Variants in TTN observed in about 807,000 individuals in gnomAD.
TTN encodes connectin.
A neutral mutation model predicts 3,223.0 loss-of-function variants in TTN; 1,525 were observed. The observed-to-expected ratio is 0.47, with a 90% CI of 0.45 to 0.49. The LOEUF (loss-of-function observed/expected upper bound fraction) is 0.49. Ranked by LOEUF, TTN falls within the 20% of genes least tolerant of loss-of-function variation. The pLI, the probability that TTN is intolerant of heterozygous loss-of-function variation, is 0.00. For missense variants in TTN, 40,786 were observed against 43,424.0 expected (o/e 0.94, Z 5.40); for synonymous variants, 14,094 against 15,161.0 (o/e 0.93, Z 5.17).
Position 178,552,572 on chromosome 2 carries a change from C to A in TTN, c.90328G>T (p.Gly30110Ter), listed in dbSNP as rs1466906853. ...CCAATAGTGACAGGATCACTCAGTCCTTTCTCATTTTTGGCAAACACTCTG... is the reference window on the plus strand; with the variant it reads ...CCAATAGTGACAGGATCACTCAGTCATTTCTCATTTTTGGCAAACACTCTG... Reference protein sequence around the residue: ...EFRVFAKNEKGLSDPVTIGPI... With the variant: ...EFRVFAKNEK The change falls in exon 335 of 363, where the codon GGA becomes TGA. Residue 30110 changes from glycine to a stop codon, truncating the protein, a stop_gained. Coordinates refer to ENST00000589042, the MANE Select transcript of TTN (RefSeq NM_001267550.2). LOFTEE classifies it high-confidence loss of function. 1 of 1,613,796 alleles carries A rather than the reference C, an allele frequency of 6.2e-7. No homozygotes were observed. Among genetic ancestry groups the A allele is most frequent in the South Asian group, 1.1e-5 (1 of 91,080 alleles).
rs1210557316 is a variant in TTN, at chr2:178,528,856, C to A, written c.106895G>T (p.Gly35632Val). 6.2e-7 allele frequency: 1 copy of A among 1,613,964 alleles called. No individual in the cohort carries two copies. Among genetic ancestry groups the A allele is most frequent in the Non-Finnish European group, 8.5e-7 (1 of 1,179,876 alleles). Residue 35632 changes from glycine to valine, a missense_variant, in exon 360 of 363, where the codon GGT (glycine) becomes GTT (valine). By Grantham distance (109) the Gly-to-Val change is moderately radical. Coordinates refer to ENST00000589042, the MANE Select transcript of TTN (RefSeq NM_001267550.2). ...CAGTACCCATTTCACATCAGTGGCACCAGCAATGTTGGCTTTTAAAACCAG... is the reference window on the plus strand; with the variant it reads ...CAGTACCCATTTCACATCAGTGGCAACAGCAATGTTGGCTTTTAAAACCAG... ...QRLVLKANIA[G>V]ATDVKWVLNG... is the part of the protein sequence containing the mutation.
intron 119 of TTN, among the ~76,000 whole-genome samples, 170 bp downstream of exon 119, chr2:178,693,439 G>A (rs1184518514): frequency 6.6e-6 from 1 of 151,904 alleles, no homozygotes; most frequent in African/African-American, 2.4e-5. Context: ...TTTTCCCCCT[G>A]TGCCTTCCTC....
At position 178,559,715 on chromosome 2, in the gene TTN, G is replaced by A. The variant is rs1060500445; in HGVS notation, c.86417C>T (p.Ser28806Phe). Residue 28806 changes from serine (S) to phenylalanine (F), a missense_variant, in exon 326 of 363, where the codon TCT (serine) becomes TTT (phenylalanine). Ser to Phe is a radical substitution (Grantham distance 155). Transcript: ENST00000589042. ...ATTTTCAATGGTCAGTGATGTACGAGAGTCTGTGGTATCAACATAAGCTCT... is the reference window on the plus strand; with the variant it reads ...ATTTTCAATGGTCAGTGATGTACGAAAGTCTGTGGTATCAACATAAGCTCT... ...RTRAYVDTTD[S>F]RTSLTIENAN... 1 of 1,602,786 alleles carries A rather than the reference G, an allele frequency of 6.2e-7. No homozygotes were observed. The highest frequency in any genetic ancestry group is 1.3e-5 in the African/African-American group (1 of 74,786).
chr2:178,690,043 C>G, intron 121 of TTN, 147 bp from the exon 122 acceptor site: 1 of 644,340 alleles, frequency 1.6e-6, no homozygotes, highest in Non-Finnish European at 2.7e-6. Flanking sequence ...ATTAAACTAA[C>G]TATACTATTC....
At position 178,704,604 on chromosome 2, in the gene TTN, A is replaced by T; in HGVS notation, c.29868T>A (p.His9956Gln). The part of the protein sequence containing the change: ...KFEISIDGDR[H>Q]TLRVKNCQLK... ...GTTGACAGTTTTTGACTCTGAGTGT[A>T]TGTCGGTCACCATCAATGCTTATTT... The change falls in exon 105 of 363, where the codon CAT (histidine) becomes CAA (glutamine). Residue 9956 changes from histidine to glutamine, a missense_variant. Physicochemically the swap from His to Gln is conservative, Grantham distance 24. Coordinates refer to ENST00000589042, the MANE Select transcript of TTN (RefSeq NM_001267550.2). 6.2e-7 allele frequency: 1 copy of T among 1,612,996 alleles called. No individual in the cohort carries two copies. Among genetic ancestry groups the T allele is most frequent in the East Asian group, 2.2e-5 (1 of 44,872 alleles).
Position 178,612,802 on chromosome 2 carries a change from C to T in TTN, c.49919G>A (p.Ser16640Asn), listed in dbSNP as rs55663050. Reference sequence around the variant, plus strand: ...CTTCTCCCGGCAAAGCACAGGGTCACTGGGTTCACTGGGTTCACTTTCCCC... The same window carrying T: ...CTTCTCCCGGCAAAGCACAGGGTCATTGGGTTCACTGGGTTCACTTTCCCC... Reference protein sequence around the residue: ...KAGESEPSEPSDPVLCREKLY... With the variant: ...KAGESEPSEPNDPVLCREKLY... Residue 16640 changes from serine to asparagine, a missense_variant, in exon 265 of 363, where the codon AGT (serine) becomes AAT (asparagine). Ser to Asn is a conservative substitution (Grantham distance 46). Transcript: ENST00000589042. 6.2e-7 allele frequency: 1 copy of T among 1,612,014 alleles called. No individual in the cohort carries two copies. The highest frequency in any genetic ancestry group is 1.3e-5 in the African/African-American group (1 of 74,922).
At chr2:178,687,869 C>T (rs2154277138) in intron 127 of TTN, among the ~76,000 whole-genome samples, 1 of 152,020 alleles carries the variant, frequency 6.6e-6, no homozygotes, top group Admixed American at 6.5e-5. Flanking sequence ...AATATGAAGC[C>T]TCTTTTATTC....
intron 47 of TTN, chr2:178,751,792 A>G (rs758661834): frequency 1.9e-6 from 3 of 1,613,156 alleles, no homozygotes; most frequent in Non-Finnish European, 2.5e-6. Context: ...TATGAAACCA[A>G]GTCATTTCTG....
intron 13 of TTN, among the ~76,000 whole-genome samples, 195 bp downstream of exon 13, chr2:178,789,165 T>A (rs2093359756): frequency 6.6e-6 from 1 of 152,148 alleles, no homozygotes; most frequent in South Asian, 2.1e-4. Context: ...AAGGGATATG[T>A]AGTAATATTA....
At chr2:178,781,025 AG>A in intron 21 of TTN, 95 bp downstream of exon 21, 1 of 1,536,654 alleles carries the variant, frequency 6.5e-7, no homozygotes, top group South Asian at 1.1e-5. Context: ...TATCAGAACC[AG>A]TAAGTGGCAA....
In TTN at chr2:178,679,595, G is replaced by A. The variant is rs1354555191; in HGVS notation, c.33664+4C>T. 1.9e-6 allele frequency: 3 copies of A among 1,609,782 alleles called. No individual in the cohort carries two copies. The highest frequency in any genetic ancestry group is 2.5e-6 in the Non-Finnish European group (3 of 1,178,508). ...TAGATACCCGTCAATGAATGGTGGT[G>A]TACCTTTTGCCGGTGGAGCTTCCTT... On this transcript the variant is annotated splice_donor_region_variant and intron_variant, in intron 141 of 362. Transcript: ENST00000589042.
chr2:178,731,167 T>C lies in TTN; in HGVS notation c.17498A>G (p.Asp5833Gly), dbSNP rs1340894070. The change falls in exon 60 of 363, where the codon GAT becomes GGT. Residue 5833 changes from aspartate (D) to glycine (G), a missense_variant. By Grantham distance (94) the Asp-to-Gly change is moderately conservative. Transcript: ENST00000589042. ...AGTGGCTGGGTCTCCTTGGGTGACA[T>C]CTATAGACACAGCTTCCTCGGTGAT... ...ATITEEAVSI[D>G]VTQGDPATLQ... 15 of 1,613,498 alleles carry C rather than the reference T, an allele frequency of 9.3e-6. No homozygotes were observed. In the Admixed American group the frequency reaches 2.5e-4, roughly 27 times the overall value.
Position 178,649,302 on chromosome 2 carries a change from C to G in TTN, c.40003G>C (p.Val13335Leu). Residue 13335 changes from valine (V) to leucine (L), a missense_variant, in exon 213 of 363, where the codon GTA (valine) becomes CTA (leucine). Transcript: ENST00000589042. ...GTAACAGGCACAGGTTCTTTCTTTA[C>G]TGGAACAAGTTTCTTGGGCACCTCA... ...VPEVPKKLVP[V>L]KKEPVPVTKK... 1 of 1,473,416 alleles carries G rather than the reference C, an allele frequency of 6.8e-7. No individual in the cohort carries two copies. The highest frequency in any genetic ancestry group is 8.9e-7 in the Non-Finnish European group (1 of 1,120,234). The allele number at this position is 1,473,416 out of a possible 1,614,324, so 91.3% of individuals were successfully genotyped here.
rs1707037065 is a variant in TTN, at chr2:178,568,881, C to T, written c.77251G>A (p.Val25751Ile). 6.2e-7 allele frequency: 1 copy of T among 1,613,148 alleles called. No individual in the cohort carries two copies. The highest frequency in any genetic ancestry group is 2.2e-5 in the East Asian group (1 of 44,812). ...HSEKWSECAR[V>I]KSLQAVITNL... ...GTAATTACTGCCTGAAGAGACTTTA[C>T]TCGAGCACACTCTGACCATTTCTCA... The change falls in exon 326 of 363, where the codon GTA (valine) becomes ATA (isoleucine). Residue 25751 changes from valine to isoleucine, a missense_variant. Physicochemically the swap from Val to Ile is conservative, Grantham distance 29 (BLOSUM62 3). Transcript: ENST00000589042.
chr2:178,771,535 G>T, intron 33 of TTN, 64 bp from the exon 34 acceptor site: 1 of 1,595,392 alleles, frequency 6.3e-7, no homozygotes, highest in Non-Finnish European at 8.6e-7. Flanking sequence ...GAAAATCTTT[G>T]CAGAAGTAAA....
chr2:178,725,551 C>T lies in TTN; in HGVS notation c.20653G>A (p.Val6885Ile), dbSNP rs2079191317. Residue 6885 changes from valine (V) to isoleucine (I), a missense_variant, in exon 71 of 363, where the codon GTC becomes ATC. Transcript: ENST00000589042. ...TCTTCCTTCTCTTTAAGCCACTGGA[C>T]AAAAATAGGCTGGGCGCCTTCTATG... ...ASIEGAQPIF[V>I]QWLKEKEEVI... is the part of the protein sequence containing the mutation. 1 of 1,612,802 alleles carries T rather than the reference C, an allele frequency of 6.2e-7. No individual in the cohort carries two copies. Among genetic ancestry groups the T allele is most frequent in the African/African-American group, 1.3e-5 (1 of 74,822 alleles).
rs747768723 is a variant in TTN, at chr2:178,764,676, G to A, written c.9839C>T (p.Ser3280Phe). The A allele has an allele frequency of 1.9e-6, 3 of 1,614,038 alleles. No individual in the cohort carries two copies. The highest frequency in any genetic ancestry group is 1.6e-4 in the Middle Eastern group (1 of 6,082). The stretch of plus-strand genomic sequence containing the variant: ...AAGAAATTTGCACTTGAAGCCAGTG[G>A]AAAGCAGCTGCTCTTCCTTGTACCA... Reference protein sequence around the residue: ...ISWYKEEQLLSTGFKCKFLHD... With the variant: ...ISWYKEEQLLFTGFKCKFLHD... The change falls in exon 42 of 363, where the codon TCC becomes TTC. Residue 3280 changes from serine to phenylalanine, a missense_variant. Coordinates refer to ENST00000589042, the MANE Select transcript of TTN (RefSeq NM_001267550.2).
In TTN at chr2:178,620,535, T is replaced by C. The variant is rs371734564; in HGVS notation, c.45986A>G (p.Asn15329Ser). The change falls in exon 248 of 363, where the codon AAT (asparagine) becomes AGT (serine). Residue 15329 changes from asparagine (N) to serine (S), a missense_variant. Asn to Ser is a conservative substitution (Grantham distance 46, BLOSUM62 1). Transcript: ENST00000589042. ...VTFWCKVNRL[N>S]VTLKWTKNGE... ...ATTTTTGGTCCACTTCAGTGTTACA[T>C]TGAGACGATTCACCTTGCACCAGAA... 6 of 1,612,254 alleles carry C rather than the reference T, an allele frequency of 3.7e-6. No individual in the cohort carries two copies. The highest frequency in any genetic ancestry group is 1.3e-5 in the African/African-American group (1 of 74,942).
chr2:178,704,805 T>G, intron 104 of TTN, 28 bp from the exon 105 acceptor site: 1 of 1,606,590 alleles, frequency 6.2e-7, no homozygotes, highest in Non-Finnish European at 8.5e-7. Context: ...TAAAACACAT[T>G]TGTTACTCCT....
Sources: gnomAD v4.1 joint callset for allele counts (sites outside exome capture counted in the v4.1 genomes callset) on GRCh38, gnomAD v4.1.1 for gene constraint, MANE v1.5 for transcripts, NCBI Gene and HGNC (gene_info 2026-07-23, HGNC 2026-07-21) for gene names.